The following EPHA4 variants were observed in gnomAD, a reference collection of about 807,000 sequenced individuals.
EPHA4 encodes ephrin type-A receptor 4.
EPHA4 carries 19 observed loss-of-function variants against 108.3 expected under a neutral mutation model. That is an observed-to-expected ratio of 0.18 (90% CI 0.12 to 0.26). The LOEUF is 0.26. Among genes scored for constraint, EPHA4 ranks in the 10% least tolerant of loss-of-function variants. EPHA4 has a pLI of 1.00. For synonymous variants in EPHA4, 449 were observed against 455.5 expected, an observed-to-expected ratio of 0.99 and a Z score of 0.18; for missense variants, 917 against 1,254.0, an observed-to-expected ratio of 0.73 and a Z score of 4.06.
chr2:221,425,999 C>T lies in EPHA4; in HGVS notation c.*29G>A, dbSNP rs763963843. On this transcript the variant is annotated 3_prime_UTR_variant, in exon 17 of 18. Transcript: ENST00000281821. ...GTGCATGGATGAGGTAAACTAATTT[C>T]AAGAGTTTTGAGTTTATTCAGTACT... 16 of 1,590,914 alleles carry T rather than the reference C, an allele frequency of 1.0e-5. No homozygotes were observed. The African/African-American group carries it at 1.2e-4, about 12-fold the overall frequency.
In EPHA4 at chr2:221,485,331, C is replaced by G. The variant is rs146111736; in HGVS notation, c.980-2641G>C. On this transcript the variant is annotated intron_variant, in intron 4 of 17. Coordinates refer to ENST00000281821, the MANE Select transcript of EPHA4 (RefSeq NM_004438.5). ...AGGATTTCAAAATGGAGGGCTGGCA[C>G]GAAAACACGTGCTAAGCTAGGGCAG... Among the ~76,000 whole-genome samples, 188 of 152,214 alleles carry G rather than the reference C, an allele frequency of 1.2e-3. 1 individual carries two copies. The highest frequency in any genetic ancestry group is 4.4e-3 in the African/African-American group (182 of 41,538).
In EPHA4 at chr2:221,571,992, C is replaced by G. The variant is rs766879569; in HGVS notation, c.91+166G>C. ...CGGGGCAGGCTGTCCGGCGGTTCCC[C>G]GCTGCCCCTTCGCCGATCCCCTCGC... On this transcript the variant is annotated intron_variant, in intron 1 of 17. Coordinates refer to ENST00000281821, the MANE Select transcript of EPHA4 (RefSeq NM_004438.5). The surrounding 1 kb of genome is among the most constrained non-coding windows in gnomAD (Gnocchi z 6.3). Among the ~76,000 whole-genome samples the G allele has an allele frequency of 6.6e-6, 1 of 152,166 alleles. No individual in the cohort carries two copies. The highest frequency in any genetic ancestry group is 1.5e-5 in the Non-Finnish European group (1 of 68,028).
intron 8 of EPHA4, among the ~76,000 whole-genome samples, chr2:221,453,368 A>G (rs1241083716): frequency 1.3e-5 from 2 of 152,244 alleles, no homozygotes; most frequent in Non-Finnish European, 1.5e-5. Context: ...AAAAGCACAT[A>G]TAATTCCTAT....
intron 5 of EPHA4, among the ~76,000 whole-genome samples, chr2:221,480,421 T>C (rs1307552877): frequency 6.6e-6 from 1 of 152,168 alleles, no homozygotes; most frequent in Non-Finnish European, 1.5e-5. Context: ...AACCAGATTC[T>C]CCAGATGGTG....
At chr2:221,439,846 C>T (rs958091340) in intron 11 of EPHA4, among the ~76,000 whole-genome samples, 10 of 152,156 alleles carry the variant, frequency 6.6e-5, no homozygotes, top group African/African-American at 1.2e-4. Context: ...GAGGGTCATG[C>T]GGAGAATTTA....
At chr2:221,467,755 T>C (rs922336432) in intron 5 of EPHA4, among the ~76,000 whole-genome samples, 3 of 152,214 alleles carry the variant, frequency 2.0e-5, no homozygotes, top group African/African-American at 7.2e-5. Context: ...TTCAAGTGTG[T>C]CCTGTGTTTC....
At position 221,423,540 on chromosome 2, in the gene EPHA4, G is replaced by T. The variant is rs74926458; in HGVS notation, c.*819+1669C>A. 3.4e-3 allele frequency among the ~76,000 whole-genome samples: 510 copies of T among 152,208 alleles called. 3 individuals carry two copies. The highest frequency in any genetic ancestry group is 0.012 in the African/African-American group (491 of 41,538). On this transcript the variant is annotated intron_variant, in intron 17 of 17. Transcript: ENST00000281821. ...TGTTGAAATTTTGAAGATTCAGACG[G>T]TGACCTTTGAATAAAATAAGATTTC...
At chr2:221,518,646 C>T (rs536328101) in intron 3 of EPHA4, among the ~76,000 whole-genome samples, 6 of 152,186 alleles carry the variant, frequency 3.9e-5, no homozygotes, top group Non-Finnish European at 8.8e-5. Flanking sequence ...CCAAGCTGTA[C>T]GAAGATCATT....
chr2:221,443,022 A>G lies in EPHA4; in HGVS notation c.1889-8T>C, dbSNP rs1432726765. The stretch of plus-strand genomic sequence containing the variant: ...ATACCTCACCAAATTCACCTTTGAG[A>G]GAGAAAAAGAATCTACGATGGACCA... On this transcript the variant is annotated splice_region_variant and splice_polypyrimidine_tract_variant and intron_variant, in intron 10 of 17. Transcript: ENST00000281821. The G allele has an allele frequency of 6.2e-7, 1 of 1,611,798 alleles. No homozygotes were observed. The highest frequency in any genetic ancestry group is 2.2e-5 in the East Asian group (1 of 44,860).
chr2:221,456,872 A>G, intron 6 of EPHA4, 100 bp from the exon 7 acceptor site: 1 of 1,309,216 alleles, frequency 7.6e-7, no homozygotes, highest in Middle Eastern at 2.4e-4. Context: ...CAACTCAGAA[A>G]CTGAAAGTAA....
At chr2:221,505,812 C>T (rs1046005167) in intron 3 of EPHA4, among the ~76,000 whole-genome samples, 1 of 152,088 alleles carries the variant, frequency 6.6e-6, no homozygotes, top group Non-Finnish European at 1.5e-5. Context: ...TATCACAATC[C>T]CCCAAGGACC....
chr2:221,425,470 G>A lies in EPHA4; in HGVS notation c.*558C>T, dbSNP rs1021895092. The stretch of plus-strand genomic sequence containing the variant: ...CCCCTGTGTCATAGGAATCCACCAG[G>A]CGGCTTGAGCACTGAAGAGGCAACA... On this transcript the variant is annotated 3_prime_UTR_variant, in exon 17 of 18. Transcript: ENST00000281821. 1.0e-4 allele frequency: 16 copies of A among 152,682 alleles called. No homozygotes were observed. Among genetic ancestry groups the A allele is most frequent in the African/African-American group, 3.4e-4 (14 of 41,424 alleles). 9.5% of individuals were successfully genotyped at this position (152,682 alleles called of 1,614,324 possible). A position where few individuals can be genotyped will look rare whatever the true frequency, so the allele number is the denominator to read the frequency against.
At chr2:221,435,809 T>C (rs13416809) in intron 13 of EPHA4, among the ~76,000 whole-genome samples, 12,585 of 152,210 alleles carry the variant, frequency 0.083, 667 homozygotes, top group East Asian at 0.23. Flanking sequence ...TATAAATGTT[T>C]TATAAATCCT....
rs550362044 is a variant in EPHA4, at chr2:221,425,409, A to G, written c.*619T>C. ...GTTATGGGGCTTGGGTTACGTATAT[A>G]TATATTTTAAATCCACTTTCCCTTT... On this transcript the variant is annotated 3_prime_UTR_variant, in exon 17 of 18. Coordinates refer to ENST00000281821, the MANE Select transcript of EPHA4 (RefSeq NM_004438.5). The G allele has an allele frequency of 6.5e-6, 1 of 152,940 alleles. No individual in the cohort carries two copies. The highest frequency in any genetic ancestry group is 1.9e-4 in the East Asian group (1 of 5,196). 9.5% of individuals were successfully genotyped at this position (152,940 alleles called of 1,614,324 possible).
At chr2:221,528,285 A>G (rs1693404327) in intron 3 of EPHA4, among the ~76,000 whole-genome samples, 1 of 152,200 alleles carries the variant, frequency 6.6e-6, no homozygotes, top group Non-Finnish European at 1.5e-5. Flanking sequence ...AGCATAAAAT[A>G]GCAAATACTA....
chr2:221,452,711 A>ATT (rs3835972), intron 8 of EPHA4, among the ~76,000 whole-genome samples: 70 of 149,860 alleles, frequency 4.7e-4, no homozygotes, highest in East Asian at 2.8e-3. Flanking sequence ...GGGAAGTGAC[A>ATT]TTTTTTTTTT....
chr2:221,572,578 C>A, upstream of EPHA4: 1 of 200,194 alleles, frequency 5.0e-6, no homozygotes. Flanking sequence ...GAAGGTCGAG[C>A]CCCTGGACGG....
intron 5 of EPHA4, among the ~76,000 whole-genome samples, chr2:221,464,305 T>A (rs1430217): frequency 0.48 from 73,418 of 152,060 alleles, 18,599 homozygotes; most frequent in Non-Finnish European, 0.56. Flanking sequence ...AGGTGGTTTT[T>A]GTTCCCATTT....
At chr2:221,509,087 G>A (rs1692726172) in intron 3 of EPHA4, among the ~76,000 whole-genome samples, 1 of 152,184 alleles carries the variant, frequency 6.6e-6, no homozygotes, top group Non-Finnish European at 1.5e-5. Flanking sequence ...CCACCACTTT[G>A]GGAGGCCTAG....
Sources: gnomAD v4.1 joint callset for allele counts (sites outside exome capture counted in the v4.1 genomes callset) on GRCh38, gnomAD v4.1.1 for gene constraint, Gnocchi (gnomAD v3.1) non-coding constraint, MANE v1.5 for transcripts, NCBI Gene and HGNC (gene_info 2026-07-23, HGNC 2026-07-21) for gene names.